PPP2R3A: variants seen among roughly 807,000 people sequenced by gnomAD.
PPP2R3A encodes the protein protein phosphatase 2 regulatory subunit B''alpha.
In PPP2R3A, 80 loss-of-function variants were observed where a neutral mutation model predicts 106.9. That is an observed-to-expected ratio of 0.75 (90% confidence interval 0.62 to 0.90). The LOEUF is 0.90. PPP2R3A is among the 40% of genes least tolerant of loss of function. PPP2R3A has a pLI of 0.00. For missense variants in PPP2R3A, 1,386 were observed against 1,350.4 expected (o/e 1.03, Z -0.41); for synonymous variants, 483 against 468.3 (o/e 1.03, Z -0.41).
intron 2 of PPP2R3A, among the ~76,000 whole-genome samples, chr3:136,011,755 C>T (rs1016876749): frequency 5.9e-5 from 9 of 152,176 alleles, no homozygotes; most frequent in African/African-American, 2.2e-4. Context: ...ACTAGTCTAG[C>T]CTTGGTCTGA....
chr3:135,967,271 A>G (rs1031038708), intron 1 of PPP2R3A, among the ~76,000 whole-genome samples: 1 of 152,230 alleles, frequency 6.6e-6, no homozygotes, highest in Non-Finnish European at 1.5e-5. Flanking sequence ...AGGTTTTTAA[A>G]AAACAAAGCT....
intron 2 of PPP2R3A, among the ~76,000 whole-genome samples, chr3:136,025,464 G>A (rs1030396031): frequency 1.3e-5 from 2 of 151,936 alleles, no homozygotes; most frequent in Admixed American, 6.6e-5. Context: ...TCCATTCTGT[G>A]TATTAATGTC....
chr3:135,981,557 C>G (rs1217429062), intron 1 of PPP2R3A, among the ~76,000 whole-genome samples: 20 of 151,760 alleles, frequency 1.3e-4, no homozygotes, highest in Admixed American at 1.3e-3. Context: ...TTGCCTTCCT[C>G]CTTTCTTCCT....
intron 2 of PPP2R3A, among the ~76,000 whole-genome samples, chr3:136,024,989 G>T (rs886836885): frequency 2.6e-5 from 4 of 152,118 alleles, no homozygotes; most frequent in Non-Finnish European, 4.4e-5. Context: ...CTCAAAAGTG[G>T]TTTGTAAACT....
At chr3:136,045,838 T>C (rs1360546636) in intron 4 of PPP2R3A, among the ~76,000 whole-genome samples, 4 of 152,030 alleles carry the variant, frequency 2.6e-5, no homozygotes, top group African/African-American at 9.7e-5. Context: ...ACCAAAAAAT[T>C]CCAGCATGAA....
At chr3:135,990,326 A>T (rs1327232426) in intron 1 of PPP2R3A, among the ~76,000 whole-genome samples, 1 of 152,132 alleles carries the variant, frequency 6.6e-6, no homozygotes, top group Non-Finnish European at 1.5e-5. Flanking sequence ...TGAACTTGTC[A>T]GGGAAGGGAA....
chr3:135,974,470 C>G lies in PPP2R3A; in HGVS notation c.-441+8621C>G, dbSNP rs542275893. ...AAGTTATCCACTCAGAGGCTTTACACTTTCCTACAAGGCCCCTACATAATC... is the reference window on the plus strand; with the variant it reads ...AAGTTATCCACTCAGAGGCTTTACAGTTTCCTACAAGGCCCCTACATAATC... On this transcript the variant is annotated intron_variant, in intron 1 of 13. Transcript: ENST00000264977. Among the ~76,000 whole-genome samples, 31 of 152,332 alleles carry G rather than the reference C, an allele frequency of 2.0e-4. 1 individual carries two copies. The highest frequency in any genetic ancestry group is 7.2e-4 in the African/African-American group (30 of 41,576).
chr3:136,057,988 A>G (rs563662349), intron 5 of PPP2R3A, among the ~76,000 whole-genome samples: 1 of 152,214 alleles, frequency 6.6e-6, no homozygotes, highest in Admixed American at 6.5e-5. Flanking sequence ...TTGAAGAAAT[A>G]TCTACACTGC....
Position 136,090,638 on chromosome 3 carries a change from C to G in PPP2R3A, c.2898C>G (p.Ile966Met). The G allele has an allele frequency of 4.3e-6, 7 of 1,613,406 alleles. No homozygotes were observed. The highest frequency in any genetic ancestry group is 5.9e-6 in the Non-Finnish European group (7 of 1,179,568). The part of the protein sequence containing the change: ...MSYADFVWFL[I>M]SEEDKRNPTS... Reference sequence around the variant, plus strand: ...ATGCAGATTTTGTTTGGTTTTTGATCTCTGAAGAAGACAAAAGGAATCCTA... The same window carrying G: ...ATGCAGATTTTGTTTGGTTTTTGATGTCTGAAGAAGACAAAAGGAATCCTA... The change falls in exon 10 of 14, where the codon ATC becomes ATG. Residue 966 changes from isoleucine to methionine, a missense_variant. By Grantham distance (10) the Ile-to-Met change is conservative (BLOSUM62 1). Coordinates refer to ENST00000264977, the MANE Select transcript of PPP2R3A (RefSeq NM_002718.5).
rs771036563 is a variant in PPP2R3A, at chr3:136,102,047, G to A, written c.2968G>A (p.Gly990Ser). The change falls in exon 11 of 14, where the codon GGT becomes AGT. Residue 990 changes from glycine to serine, a missense_variant. By Grantham distance (56) the Gly-to-Ser change is moderately conservative (BLOSUM62 0). Transcript: ENST00000264977. ...CCGCTGCATGGATGTGGATGGAGAC[G>A]GTGTACTCTCCATGTATGAGCTGGA... ...WFRCMDVDGD[G>S]VLSMYELEYF... The A allele has an allele frequency of 5.0e-6, 8 of 1,613,918 alleles. No homozygotes were observed. The highest frequency in any genetic ancestry group is 1.7e-5 in the Admixed American group (1 of 60,004).
intron 1 of PPP2R3A, among the ~76,000 whole-genome samples, chr3:135,979,066 G>GTT (rs1937499064): frequency 1.3e-5 from 2 of 151,856 alleles, no homozygotes; most frequent in South Asian, 2.1e-4. Flanking sequence ...TTCTAAGGAA[G>GTT]TTTGCAGTAT....
intron 4 of PPP2R3A, among the ~76,000 whole-genome samples, chr3:136,041,245 T>TC (rs1935264094): frequency 1.5e-5 from 1 of 67,264 alleles, no homozygotes; most frequent in African/African-American, 6.0e-5. Context: ...CTTGTTTTTT[T>TC]TTTTGTTTTT....
chr3:136,018,480 C>T (rs890851097), intron 2 of PPP2R3A, among the ~76,000 whole-genome samples: 4 of 152,260 alleles, frequency 2.6e-5, no homozygotes, highest in South Asian at 2.1e-4. Context: ...CTATTGTCTT[C>T]GTTTTCAAAG....
intron 2 of PPP2R3A, 74 bp downstream of exon 2, chr3:136,003,567 A>G (rs371828589): frequency 2.1e-6 from 3 of 1,402,792 alleles, no homozygotes; most frequent in Non-Finnish European, 2.9e-6. Flanking sequence ...ATAAAGAAAA[A>G]CTTTTTTGTT....
At chr3:135,985,366 C>G (rs1402147697) in intron 1 of PPP2R3A, among the ~76,000 whole-genome samples, 1 of 142,322 alleles carries the variant, frequency 7.0e-6, no homozygotes, top group East Asian at 2.0e-4. Flanking sequence ...CTCTTTCCCT[C>G]TCTCCCTTCC....
chr3:136,124,273 TG>T (rs1938102726), intron 13 of PPP2R3A, among the ~76,000 whole-genome samples: 1 of 152,070 alleles, frequency 6.6e-6, no homozygotes, highest in Non-Finnish European at 1.5e-5. Flanking sequence ...GAAGATTGCG[TG>T]GGGCCAGGAG....
chr3:136,107,909 C>T (rs968090427), intron 13 of PPP2R3A, among the ~76,000 whole-genome samples: 1 of 152,112 alleles, frequency 6.6e-6, no homozygotes, highest in Admixed American at 6.6e-5. Context: ...AACAATGCTG[C>T]AGTTAAGAAT....
At chr3:136,142,632 C>CACTT (rs1272137112) in intron 13 of PPP2R3A, among the ~76,000 whole-genome samples, 2 of 152,188 alleles carry the variant, frequency 1.3e-5, no homozygotes, top group African/African-American at 4.8e-5. Flanking sequence ...AAGCCTAAAT[C>CACTT]ACTTAACCCC....
intron 4 of PPP2R3A, 113 bp downstream of exon 4, chr3:136,041,075 A>G (rs1300898279): frequency 2.6e-6 from 2 of 766,924 alleles, no homozygotes; most frequent in Admixed American, 3.5e-5. Context: ...TTTACTCTTT[A>G]TATCAACAAG....
Sources: allele counts gnomAD v4.1 joint callset (sites outside exome capture counted in the v4.1 genomes callset), GRCh38; gene constraint gnomAD v4.1.1; transcripts MANE v1.5; gene names NCBI Gene and HGNC (gene_info 2026-07-23, HGNC 2026-07-21).